The following REEP5 variants were observed in gnomAD, a reference collection of about 807,000 sequenced individuals.
REEP5 encodes receptor expression-enhancing protein 5.
A neutral mutation model predicts 22.4 loss-of-function variants in REEP5; 24 were observed. That is an observed-to-expected ratio of 1.07 (90% CI 0.78 to 1.51). The LOEUF is 1.51. Among genes scored for constraint, REEP5 ranks in the 40% most tolerant of loss-of-function variants. REEP5 has a pLI of 0.00. For synonymous variants in REEP5, 103 were observed against 88.6 expected, an observed-to-expected ratio of 1.16 and a Z score of -0.92; for missense variants, 252 against 233.0, an observed-to-expected ratio of 1.08 and a Z score of -0.53.
At chr5:112,913,191 A>G (rs1248853296) in intron 2 of REEP5, among the ~76,000 whole-genome samples, 1 of 152,140 alleles carries the variant, frequency 6.6e-6, no homozygotes, top group Non-Finnish European at 1.5e-5. Context: ...GCTACTTGGG[A>G]GGCTGAGGCA....
At chr5:112,886,803 T>C (rs1768261687) in intron 4 of REEP5, among the ~76,000 whole-genome samples, 1 of 152,250 alleles carries the variant, frequency 6.6e-6, no homozygotes, top group Admixed American at 6.5e-5. Flanking sequence ...GACTGAAGGC[T>C]ACATTAAATG....
chr5:112,921,313 C>G (rs1358096398), intron 1 of REEP5, 57 bp from the exon 2 acceptor site: 3 of 1,532,936 alleles, frequency 2.0e-6, no homozygotes, highest in Non-Finnish European at 2.7e-6. Flanking sequence ...TCACGCGGGA[C>G]AGCCGCCGCC....
rs559199896 is a variant in REEP5 at position 112,880,801 on chromosome 5, G to A, written c.521-1966C>T. Among the ~76,000 whole-genome samples the A allele has an allele frequency of 6.6e-5, 10 of 152,288 alleles. No homozygotes were observed. The South Asian group carries it at 2.1e-3, about 32-fold the overall frequency. On this transcript the variant is annotated intron_variant, in intron 4 of 4. Coordinates refer to ENST00000379638, the MANE Select transcript of REEP5 (RefSeq NM_005669.5). ...ACCACAGGTTGCTGATTAGGCTAAG[G>A]GAAGGGAGAAGAAAAGAAAGCTCTT...
chr5:112,915,564 G>C (rs1442967527), intron 2 of REEP5, among the ~76,000 whole-genome samples: 1 of 152,208 alleles, frequency 6.6e-6, no homozygotes, highest in Non-Finnish European at 1.5e-5. Flanking sequence ...ATGTTTAAAT[G>C]CTTAAGATTT....
chr5:112,880,011 G>A (rs974822474), intron 4 of REEP5, among the ~76,000 whole-genome samples: 11 of 151,986 alleles, frequency 7.2e-5, no homozygotes, highest in African/African-American at 1.7e-4. Context: ...ATACTAAATT[G>A]TTTTTAAAAT....
chr5:112,890,194 G>T (rs995096014), intron 3 of REEP5, among the ~76,000 whole-genome samples: 1 of 150,290 alleles, frequency 6.7e-6, no homozygotes, highest in Non-Finnish European at 1.5e-5. Context: ...GGAGGTTGAG[G>T]TGGGAGGGTG....
intron 3 of REEP5, chr5:112,892,796 G>A: frequency 1.2e-6 from 2 of 1,614,000 alleles, no homozygotes; most frequent in South Asian, 1.1e-5. Flanking sequence ...CGGGGAAGGA[G>A]AAACCCTAGT....
chr5:112,912,186 T>C (rs1260453207), intron 2 of REEP5, among the ~76,000 whole-genome samples: 1 of 152,138 alleles, frequency 6.6e-6, no homozygotes, highest in African/African-American at 2.4e-5. Context: ...AGCTGTTTGC[T>C]CAAGAGGTAA....
intron 4 of REEP5, among the ~76,000 whole-genome samples, chr5:112,884,359 C>A (rs577943227): frequency 6.6e-6 from 1 of 152,076 alleles, no homozygotes; most frequent in Non-Finnish European, 1.5e-5. Context: ...AGTATGATTC[C>A]CCATGGTTCC....
intron 3 of REEP5, among the ~76,000 whole-genome samples, chr5:112,899,105 G>T (rs1768781559): frequency 6.6e-6 from 1 of 152,018 alleles, no homozygotes; most frequent in African/African-American, 2.4e-5. Context: ...TCGAGACAGG[G>T]TCTCACTCTG....
At chr5:112,886,559 G>C (rs1278640547) in intron 4 of REEP5, among the ~76,000 whole-genome samples, 2 of 152,168 alleles carry the variant, frequency 1.3e-5, no homozygotes, top group Admixed American at 1.3e-4. Context: ...TTCAAGTAAA[G>C]ATCAAGAATT....
chr5:112,902,486 T>C lies in REEP5; in HGVS notation c.245A>G (p.Asp82Gly), dbSNP rs1244446351. 1.2e-6 allele frequency: 2 copies of C among 1,609,894 alleles called. No homozygotes were observed. The highest frequency in any genetic ancestry group is 2.2e-5 in the South Asian group (2 of 90,184). ...CCAGTAGGTCAGCCACTGGGTATCATCTTCTTTGTTGGGACTCTCTATAGC... is the reference window on the plus strand; with the variant it reads ...CCAGTAGGTCAGCCACTGGGTATCACCTTCTTTGTTGGGACTCTCTATAGC... ...IKAIESPNKE[D>G]DTQWLTYWVV... is the part of the protein sequence containing the mutation. The change falls in exon 3 of 5, where the codon GAT becomes GGT. Residue 82 changes from aspartate (D) to glycine (G), a missense_variant. By Grantham distance (94) the Asp-to-Gly change is moderately conservative. Transcript: ENST00000379638.
intron 3 of REEP5, among the ~76,000 whole-genome samples, chr5:112,890,984 A>G (rs1768424633): frequency 6.6e-6 from 1 of 150,952 alleles, no homozygotes; most frequent in African/African-American, 2.5e-5. Context: ...TTCTAACAAC[A>G]TCTATGAAAC....
rs1418647121 is a variant in REEP5 at position 112,887,008 on chromosome 5, G to T, written c.520+7C>A. On this transcript the variant is annotated splice_region_variant and intron_variant, in intron 4 of 4. Transcript: ENST00000379638. Reference sequence around the variant, plus strand: ...ACATGTGGGGCCATCTTGTTCCTGAGTCTTACCTTCTTTAGTGATGGCATC... The same window carrying T: ...ACATGTGGGGCCATCTTGTTCCTGATTCTTACCTTCTTTAGTGATGGCATC... 1 of 1,591,754 alleles carries T rather than the reference G, an allele frequency of 6.3e-7. No individual in the cohort carries two copies.
At chr5:112,907,889 T>TA (rs1010659417) in intron 2 of REEP5, among the ~76,000 whole-genome samples, 3 of 152,050 alleles carry the variant, frequency 2.0e-5, no homozygotes, top group African/African-American at 4.8e-5. Context: ...ATTTTTTGTT[T>TA]AAAAAAAGAT....
intron 4 of REEP5, 81 bp from the exon 5 acceptor site, chr5:112,878,916 G>A: frequency 6.2e-7 from 1 of 1,604,218 alleles, no homozygotes; most frequent in African/African-American, 1.3e-5. Flanking sequence ...TGTGCCTAAT[G>A]TAGCTACTAG....
At chr5:112,913,722 A>G (rs1334490028) in intron 2 of REEP5, among the ~76,000 whole-genome samples, 2 of 152,170 alleles carry the variant, frequency 1.3e-5, no homozygotes, top group Non-Finnish European at 2.9e-5. Context: ...ACAGTCAAAT[A>G]TAACAATGCG....
intron 2 of REEP5, among the ~76,000 whole-genome samples, chr5:112,916,262 C>G (rs1047721647): frequency 1.3e-4 from 19 of 151,828 alleles, no homozygotes; most frequent in Admixed American, 1.2e-3. Flanking sequence ...TGTTTTTTTT[C>G]TTCAAATTAA....
chr5:112,878,694 A>G lies in REEP5; in HGVS notation c.*92T>C. On this transcript the variant is annotated 3_prime_UTR_variant, in exon 5 of 5. Coordinates refer to ENST00000379638, the MANE Select transcript of REEP5 (RefSeq NM_005669.5). Reference sequence around the variant, plus strand: ...ATCTCAAAAATGTTTCCAAGGCAACATTATTAAAATAATTATACCACAGTC... The same window carrying G: ...ATCTCAAAAATGTTTCCAAGGCAACGTTATTAAAATAATTATACCACAGTC... 1 of 1,533,082 alleles carries G rather than the reference A, an allele frequency of 6.5e-7. No individual in the cohort carries two copies. Among genetic ancestry groups the G allele is most frequent in the Non-Finnish European group, 8.8e-7 (1 of 1,131,470 alleles). 95.0% of individuals were successfully genotyped at this position (1,533,082 alleles called of 1,614,324 possible).
Sources: allele counts gnomAD v4.1 joint callset (sites outside exome capture counted in the v4.1 genomes callset), GRCh38; gene constraint gnomAD v4.1.1; transcripts MANE v1.5; gene names NCBI Gene and HGNC (gene_info 2026-07-23, HGNC 2026-07-21).